Variants in CSGALNACT1 observed in about 807,000 individuals in gnomAD.
CSGALNACT1 encodes chondroitin sulfate N-acetylgalactosaminyltransferase 1.
In CSGALNACT1, 52 loss-of-function variants were observed where a neutral mutation model predicts 51.0. The observed-to-expected ratio is 1.02, with a 90% confidence interval of 0.82 to 1.29. CSGALNACT1 has a LOEUF of 1.29. CSGALNACT1 is among the 50% of genes most tolerant of loss of function. The pLI, the probability that CSGALNACT1 is intolerant of heterozygous loss-of-function variation, is 0.00. For synonymous variants in CSGALNACT1, 341 were observed against 254.4 expected (o/e 1.34, Z -3.24); for missense variants, 935 against 679.2 (o/e 1.38, Z -4.19).
intron 3 of CSGALNACT1, among the ~76,000 whole-genome samples, chr8:19,510,483 A>C (rs1210621100): frequency 1.3e-5 from 2 of 152,214 alleles, no homozygotes; most frequent in African/African-American, 2.4e-5. Flanking sequence ...GGCACTAAGC[A>C]CTTAGTATGT....
chr8:19,749,329 TC>T (rs1360612216), intron 1 of CSGALNACT1, among the ~76,000 whole-genome samples: 1 of 151,138 alleles, frequency 6.6e-6, no homozygotes, highest in African/African-American at 2.4e-5. Context: ...CTTCTCCAAT[TC>T]GATACTGTTT....
chr8:19,684,446 T>C (rs1178381368), upstream of CSGALNACT1, among the ~76,000 whole-genome samples: 1 of 152,124 alleles, frequency 6.6e-6, no homozygotes, highest in African/African-American at 2.4e-5. Flanking sequence ...GAGAATAAAA[T>C]ATCAATAAAT....
At chr8:19,555,911 A>G (rs2089597955) in intron 3 of CSGALNACT1, among the ~76,000 whole-genome samples, 1 of 152,194 alleles carries the variant, frequency 6.6e-6, no homozygotes, top group African/African-American at 2.4e-5. Context: ...CAGTCACAGA[A>G]ACTGAAGAAG....
intron 1 of CSGALNACT1, chr8:19,688,930 G>A (rs371706609): frequency 1.3e-5 from 2 of 152,212 alleles, no homozygotes; most frequent in East Asian, 1.9e-4. Flanking sequence ...CTATCTGGAC[G>A]TGCAGCCATG....
intron 1 of CSGALNACT1, among the ~76,000 whole-genome samples, chr8:19,739,364 C>A (rs933696415): frequency 2.6e-5 from 4 of 152,046 alleles, no homozygotes; most frequent in Non-Finnish European, 4.4e-5. Flanking sequence ...GTACAGGTAG[C>A]CTGTAGGCTT....
At chr8:19,471,308 G>C (rs1422200237) in intron 4 of CSGALNACT1, among the ~76,000 whole-genome samples, 1 of 152,124 alleles carries the variant, frequency 6.6e-6, no homozygotes, top group East Asian at 1.9e-4. Context: ...GAATCATGGG[G>C]AAGAGGCGAG....
At chr8:19,671,675 G>C (rs1223252213) in intron 1 of CSGALNACT1, among the ~76,000 whole-genome samples, 1 of 152,178 alleles carries the variant, frequency 6.6e-6, no homozygotes, top group Non-Finnish European at 1.5e-5. Context: ...TGTCAAGTAT[G>C]TTAAAAGGTA....
intron 4 of CSGALNACT1, among the ~76,000 whole-genome samples, chr8:19,496,990 G>T (rs532412401): frequency 6.6e-6 from 1 of 152,028 alleles, no homozygotes; most frequent in Non-Finnish European, 1.5e-5. Flanking sequence ...TCCCCCTCCC[G>T]CCTCCCCTCT....
intron 4 of CSGALNACT1, among the ~76,000 whole-genome samples, chr8:19,474,605 C>T (rs1444269753): frequency 2.6e-5 from 4 of 152,080 alleles, no homozygotes; most frequent in Middle Eastern, 3.4e-3. Flanking sequence ...TGGTGGCTCA[C>T]ACCTATAATC....
chr8:19,607,688 T>C (rs541991668), intron 1 of CSGALNACT1, among the ~76,000 whole-genome samples: 1 of 152,322 alleles, frequency 6.6e-6, no homozygotes, highest in East Asian at 1.9e-4. Flanking sequence ...CTTAATCCTG[T>C]CCAGAACACA....
chr8:19,473,616 A>C (rs945701974), intron 4 of CSGALNACT1, among the ~76,000 whole-genome samples: 7 of 152,248 alleles, frequency 4.6e-5, no homozygotes, highest in Non-Finnish European at 8.8e-5. Flanking sequence ...CTTAAAAATT[A>C]GACCACAGTA....
At chr8:19,666,223 G>A (rs113156276) in intron 1 of CSGALNACT1, among the ~76,000 whole-genome samples, 190 of 152,232 alleles carry the variant, frequency 1.2e-3, no homozygotes, top group African/African-American at 3.5e-3. Context: ...AACTTTCACC[G>A]TCAGACCTTA....
chr8:19,601,773 G>C (rs1031384612), exon 2 of CSGALNACT1: 1 of 453,116 alleles, frequency 2.2e-6, no homozygotes, highest in African/African-American at 2.0e-5. Flanking sequence ...TCACTTACCT[G>C]GGGGTTCAAG....
intron 5 of CSGALNACT1, among the ~76,000 whole-genome samples, chr8:19,449,858 CT>C (rs1310756369): frequency 6.6e-6 from 1 of 151,372 alleles, no homozygotes; most frequent in African/African-American, 2.4e-5. Context: ...AAAATTCTGC[CT>C]TTTTCCCCTC....
intron 1 of CSGALNACT1, among the ~76,000 whole-genome samples, chr8:19,738,214 T>A (rs1464705313): frequency 1.3e-5 from 2 of 152,120 alleles, no homozygotes; most frequent in East Asian, 3.9e-4. Flanking sequence ...CAGAGCAGGA[T>A]CTCATCTCCA....
At position 19,420,296 on chromosome 8, in the gene CSGALNACT1, G is replaced by T. The variant is rs201101790; in HGVS notation, c.1132+44C>A. ...TCAAGAGGACGACACATGGGCCCGA[G>T]AGGGCTGGGGGCCACCTGAGCGTGA... is the stretch of plus-strand genomic sequence containing the variant. On this transcript the variant is annotated intron_variant, in intron 7 of 9. Transcript: ENST00000454498. The T allele has an allele frequency of 1.1e-5, 18 of 1,596,524 alleles. No homozygotes were observed. The African/African-American group carries it at 2.4e-4, about 21-fold the overall frequency.
intron 3 of CSGALNACT1, among the ~76,000 whole-genome samples, chr8:19,583,188 C>T (rs2045944893): frequency 6.6e-6 from 1 of 151,850 alleles, no homozygotes; most frequent in Non-Finnish European, 1.5e-5. Flanking sequence ...AAAAAAAAAT[C>T]CATTATTCTC....
chr8:19,747,730 G>A (rs2064768910), intron 1 of CSGALNACT1, among the ~76,000 whole-genome samples: 1 of 152,084 alleles, frequency 6.6e-6, no homozygotes, highest in African/African-American at 2.4e-5. Flanking sequence ...CAGGGCTACA[G>A]AGTGAGTCAG....
chr8:19,616,475 C>T (rs190336535), intron 1 of CSGALNACT1, among the ~76,000 whole-genome samples: 1 of 152,228 alleles, frequency 6.6e-6, no homozygotes, highest in Admixed American at 6.5e-5. Context: ...TTATTTTCAT[C>T]CAAGGACTGG....
Sources: allele counts gnomAD v4.1 joint callset (sites outside exome capture counted in the v4.1 genomes callset), GRCh38; gene constraint gnomAD v4.1.1; transcripts MANE v1.5; gene names NCBI Gene and HGNC (gene_info 2026-07-23, HGNC 2026-07-21).